MTHFD2L: variants seen among roughly 807,000 people sequenced by gnomAD.
MTHFD2L encodes bifunctional methylenetetrahydrofolate dehydrogenase/cyclohydrolase 2, mitochondrial.
In MTHFD2L, 29 loss-of-function variants were observed where a neutral mutation model predicts 34.9. The ratio of observed to expected loss-of-function variants is 0.83; its 90% CI spans 0.62 to 1.13. The LOEUF (loss-of-function observed/expected upper bound fraction) is 1.13. Among genes scored for constraint, MTHFD2L ranks in the 50% most tolerant of loss-of-function variants. The pLI, the probability that MTHFD2L is intolerant of heterozygous loss-of-function variation, is 0.00. For missense variants in MTHFD2L, 481 were observed against 446.5 expected, an observed-to-expected ratio of 1.08 and a Z score of -0.70; for synonymous variants, 167 against 155.7, an observed-to-expected ratio of 1.07 and a Z score of -0.54.
chr4:74,267,814 A>G (rs1055140813), intron 6 of MTHFD2L: 2 of 985,376 alleles, frequency 2.0e-6, no homozygotes, highest in East Asian at 2.3e-4. Flanking sequence ...GGTCCAAGGC[A>G]GAAGGTGATG....
chr4:74,270,236 T>C (rs955705390), intron 6 of MTHFD2L, among the ~76,000 whole-genome samples: 3 of 152,118 alleles, frequency 2.0e-5, no homozygotes, highest in Non-Finnish European at 2.9e-5. Flanking sequence ...TTGTTACGTA[T>C]GTATACATGT....
intron 6 of MTHFD2L, among the ~76,000 whole-genome samples, chr4:74,263,415 G>C (rs977098352): frequency 6.6e-6 from 1 of 151,870 alleles, no homozygotes; most frequent in East Asian, 1.9e-4. Flanking sequence ...ATTGCTTTGG[G>C]CAGTATGGCC....
chr4:74,251,477 CT>C (rs1174244142), intron 6 of MTHFD2L, among the ~76,000 whole-genome samples: 1 of 152,190 alleles, frequency 6.6e-6, no homozygotes, highest in Non-Finnish European at 1.5e-5. Flanking sequence ...ATCCCAAACT[CT>C]TTTTAGCTTC....
chr4:74,179,746 G>A (rs191541358), intron 3 of MTHFD2L, among the ~76,000 whole-genome samples: 208 of 152,174 alleles, frequency 1.4e-3, no homozygotes, highest in Non-Finnish European at 2.5e-3. Flanking sequence ...TAAACATTGT[G>A]TTATGTAATA....
chr4:74,276,408 T>C (rs1009707253), intron 6 of MTHFD2L, among the ~76,000 whole-genome samples: 2 of 152,114 alleles, frequency 1.3e-5, no homozygotes, highest in African/African-American at 4.8e-5. Context: ...CATATAATGC[T>C]TGAGCCCTCA....
chr4:74,265,760 A>G (rs1745211996), intron 6 of MTHFD2L, among the ~76,000 whole-genome samples: 2 of 152,206 alleles, frequency 1.3e-5, no homozygotes, highest in Admixed American at 6.5e-5. Flanking sequence ...ATTAAAATAC[A>G]TTGTAAAATA....
At chr4:74,262,248 TAAA>T (rs989850005) in intron 6 of MTHFD2L, among the ~76,000 whole-genome samples, 1 of 151,810 alleles carries the variant, frequency 6.6e-6, no homozygotes, top group African/African-American at 2.4e-5. Flanking sequence ...TCAGATGAGA[TAAA>T]GAACATAAAT....
At chr4:74,300,782 G>A (rs528456560) in intron 7 of MTHFD2L, among the ~76,000 whole-genome samples, 114 of 152,160 alleles carry the variant, frequency 7.5e-4, no homozygotes, top group African/African-American at 2.5e-3. Context: ...GTAATCCTAA[G>A]TTGAAAATAT....
At chr4:74,220,375 G>A (rs749430138) in intron 5 of MTHFD2L, among the ~76,000 whole-genome samples, 19 of 151,910 alleles carry the variant, frequency 1.3e-4, no homozygotes, top group Admixed American at 3.9e-4. Flanking sequence ...AATAAAAAAG[G>A]CTGCTAGTTG....
intron 5 of MTHFD2L, among the ~76,000 whole-genome samples, chr4:74,208,221 G>C (rs930880045): frequency 2.0e-5 from 3 of 152,218 alleles, no homozygotes; most frequent in African/African-American, 7.2e-5. Flanking sequence ...GTGGAAGACT[G>C]TAGAAAAGAG....
intron 6 of MTHFD2L, among the ~76,000 whole-genome samples, chr4:74,234,417 T>G (rs1740535584): frequency 1.3e-5 from 2 of 152,248 alleles, no homozygotes; most frequent in Non-Finnish European, 2.9e-5. Context: ...CTTTCAAGTT[T>G]GCCCATGCTA....
rs565280815 is a variant in MTHFD2L at position 74,209,977 on chromosome 4, G to C, written c.712+8607G>C. 7.2e-5 allele frequency among the ~76,000 whole-genome samples: 11 copies of C among 152,236 alleles called. No homozygotes were observed. In the East Asian group the frequency reaches 2.1e-3, roughly 29 times the overall value. ...ATGAGCTTTTTTAAATATGTTTGTT[G>C]GCTGCATAAATGTCTTCTTTTAAAA... On this transcript the variant is annotated intron_variant, in intron 5 of 7. Transcript: ENST00000325278.
chr4:74,267,698 G>T, intron 6 of MTHFD2L: 1 of 985,324 alleles, frequency 1.0e-6, no homozygotes, highest in South Asian at 4.7e-5. Context: ...GCCTCTTAAA[G>T]TTCTGGGATT....
intron 3 of MTHFD2L, among the ~76,000 whole-genome samples, chr4:74,192,603 A>G (rs1016138422): frequency 6.6e-6 from 1 of 152,152 alleles, no homozygotes; most frequent in Non-Finnish European, 1.5e-5. Context: ...ATATTATGGA[A>G]CATTTTTGTC....
At chr4:74,267,205 C>G (rs1040996137) in intron 6 of MTHFD2L, 2 of 985,120 alleles carry the variant, frequency 2.0e-6, no homozygotes, top group African/African-American at 3.5e-5. Context: ...TGCCTATTGT[C>G]CCTACTGGCC....
intron 1 of MTHFD2L, chr4:74,140,690 C>T (rs765121300): frequency 2.4e-5 from 8 of 336,672 alleles, no homozygotes; most frequent in Admixed American, 1.3e-4. Flanking sequence ...TCCACAGGGC[C>T]GGGAGGCCTC....
intron 5 of MTHFD2L, among the ~76,000 whole-genome samples, chr4:74,223,470 G>A (rs1381140021): frequency 1.3e-5 from 2 of 151,946 alleles, no homozygotes; most frequent in African/African-American, 4.8e-5. Context: ...TTACCGGTGG[G>A]TGGAGGTTGG....
chr4:74,161,869 C>T (rs1215905513), intron 1 of MTHFD2L: 1 of 152,132 alleles, frequency 6.6e-6, no homozygotes. Flanking sequence ...TCCCATGGAG[C>T]TCAGTGAAAT....
intron 7 of MTHFD2L, among the ~76,000 whole-genome samples, chr4:74,294,641 C>T (rs894084260): frequency 1.2e-4 from 19 of 152,050 alleles, no homozygotes; most frequent in African/African-American, 2.9e-4. Flanking sequence ...TTGGAGGCGT[C>T]CATATAAACT....
Sources: gnomAD v4.1 joint callset for allele counts (sites outside exome capture counted in the v4.1 genomes callset) on GRCh38, gnomAD v4.1.1 for gene constraint, MANE v1.5 for transcripts, NCBI Gene and HGNC (gene_info 2026-07-23, HGNC 2026-07-21) for gene names.